Variants in SLC15A1 observed in about 807,000 individuals in gnomAD.
SLC15A1 encodes the protein Caco-2 oligopeptide transporter.
Under a neutral mutation model 92.9 loss-of-function variants are expected in SLC15A1, and 83 were observed. The ratio of observed to expected loss-of-function variants is 0.89; its 90% confidence interval spans 0.75 to 1.07. The LOEUF (loss-of-function observed/expected upper bound fraction) is 1.07. Among genes scored for constraint, SLC15A1 ranks in the 50% least tolerant of loss-of-function variants. The pLI, the probability that SLC15A1 is intolerant of heterozygous loss-of-function variation, is 0.00. For missense variants in SLC15A1, 857 were observed against 880.1 expected, an observed-to-expected ratio of 0.97 and a Z score of 0.33; for synonymous variants, 322 against 318.2, an observed-to-expected ratio of 1.01 and a Z score of -0.13.
intron 1 of SLC15A1, among the ~76,000 whole-genome samples, chr13:98,730,174 C>G (rs1291875758): frequency 6.9e-6 from 1 of 145,494 alleles, no homozygotes; most frequent in African/African-American, 2.6e-5. Flanking sequence ...CCAGCCTGGG[C>G]AACTGAGCGA....
chr13:98,690,376 C>T (rs2802390), intron 18 of SLC15A1, among the ~76,000 whole-genome samples: 58,035 of 152,026 alleles, frequency 0.38, 12,951 homozygotes, highest in Non-Finnish European at 0.52. Flanking sequence ...CAGATCCACA[C>T]GGGCCTTAGC....
intron 15 of SLC15A1, among the ~76,000 whole-genome samples, chr13:98,708,093 G>T (rs1429018514): frequency 1.3e-5 from 2 of 151,844 alleles, no homozygotes; most frequent in Non-Finnish European, 2.9e-5. Flanking sequence ...TTAAAAGGGT[G>T]GGGGAGGGAA....
At chr13:98,730,748 C>T (rs1034845138) in intron 1 of SLC15A1, among the ~76,000 whole-genome samples, 1 of 152,228 alleles carries the variant, frequency 6.6e-6, no homozygotes, top group Non-Finnish European at 1.5e-5. Context: ...TTGTGGGACA[C>T]GTTTCCTAAG....
intron 18 of SLC15A1, among the ~76,000 whole-genome samples, chr13:98,691,447 C>T (rs2087975779): frequency 6.6e-6 from 1 of 152,208 alleles, no homozygotes. Context: ...AATAATGCTG[C>T]AATGAACATG....
intron 1 of SLC15A1, among the ~76,000 whole-genome samples, chr13:98,728,212 A>G (rs1454433708): frequency 6.6e-6 from 1 of 152,070 alleles, no homozygotes; most frequent in Non-Finnish European, 1.5e-5. Flanking sequence ...TTTCTGTTCC[A>G]TTGGTCTATG....
chr13:98,710,058 G>T, intron 11 of SLC15A1, 147 bp from the exon 12 acceptor site: 1 of 752,850 alleles, frequency 1.3e-6, no homozygotes, highest in Non-Finnish European at 2.2e-6. Context: ...TAATCTCCCA[G>T]CTCTATTATA....
chr13:98,709,946 G>A, intron 11 of SLC15A1, 35 bp from the exon 12 acceptor site: 1 of 1,610,224 alleles, frequency 6.2e-7, no homozygotes, highest in South Asian at 1.1e-5. Context: ...ATTATTTGGG[G>A]ATGTGGGTTT....
intron 1 of SLC15A1, among the ~76,000 whole-genome samples, chr13:98,736,898 G>C (rs7335961): frequency 0.044 from 6,620 of 152,174 alleles, 481 homozygotes; most frequent in African/African-American, 0.15. Context: ...GTTGGTGGGA[G>C]TGTAAACTAG....
At chr13:98,723,610 A>G (rs1004490660) in intron 5 of SLC15A1, among the ~76,000 whole-genome samples, 2 of 152,210 alleles carry the variant, frequency 1.3e-5, no homozygotes, top group African/African-American at 4.8e-5. Flanking sequence ...GTGGGACTTT[A>G]TATCCCTCCA....
intron 1 of SLC15A1, among the ~76,000 whole-genome samples, chr13:98,743,324 A>C (rs1023917632): frequency 6.6e-6 from 1 of 152,168 alleles, no homozygotes; most frequent in Non-Finnish European, 1.5e-5. Context: ...ACACACAACT[A>C]TCTAAAATCA....
chr13:98,725,665 T>G (rs2088292110), intron 4 of SLC15A1, among the ~76,000 whole-genome samples: 1 of 152,204 alleles, frequency 6.6e-6, no homozygotes. Context: ...TGTTTCAGGC[T>G]CTAGGGACAG....
At chr13:98,698,866 C>T (rs2088044351) in intron 18 of SLC15A1, among the ~76,000 whole-genome samples, 1 of 152,042 alleles carries the variant, frequency 6.6e-6, no homozygotes. Flanking sequence ...AAGCTAAAAT[C>T]AGGAATTATC....
rs11618901 is a variant in SLC15A1 at position 98,732,085 on chromosome 13, C to A, written c.5-5226G>T. 5.8e-4 allele frequency among the ~76,000 whole-genome samples: 88 copies of A among 152,328 alleles called. No individual in the cohort carries two copies. The Middle Eastern group carries it at 0.02, about 35-fold the overall frequency. On this transcript the variant is annotated intron_variant, in intron 1 of 22. Transcript: ENST00000376503. Reference sequence around the variant, plus strand: ...TCAACAGGATTGCTATCTTAGAAAGCTCAAATGCAGAAGTGGTGTTTACAT... The same window carrying A: ...TCAACAGGATTGCTATCTTAGAAAGATCAAATGCAGAAGTGGTGTTTACAT...
At chr13:98,710,703 G>C (rs527414770) in intron 11 of SLC15A1, among the ~76,000 whole-genome samples, 1 of 150,940 alleles carries the variant, frequency 6.6e-6, no homozygotes, top group Admixed American at 6.7e-5. Context: ...AGCTGCTCAG[G>C]AGGCAGAGGC....
chr13:98,729,332 A>G (rs1245183950), intron 1 of SLC15A1, among the ~76,000 whole-genome samples: 2 of 152,212 alleles, frequency 1.3e-5, no homozygotes, highest in African/African-American at 4.8e-5. Flanking sequence ...AGCTGCCCAT[A>G]TGAAAAGCAG....
intron 18 of SLC15A1, among the ~76,000 whole-genome samples, chr13:98,691,054 T>C (rs2139562731): frequency 6.6e-6 from 1 of 152,064 alleles, no homozygotes; most frequent in Admixed American, 6.5e-5. Flanking sequence ...CCTTTTTTGT[T>C]TTTTTTTGAG....
chr13:98,736,688 G>T (rs1348083427), intron 1 of SLC15A1, among the ~76,000 whole-genome samples: 1 of 152,174 alleles, frequency 6.6e-6, no homozygotes, highest in Non-Finnish European at 1.5e-5. Flanking sequence ...CAAAGGATAT[G>T]AACAGACACT....
At chr13:98,738,911 A>G (rs2088417869) in intron 1 of SLC15A1, among the ~76,000 whole-genome samples, 1 of 152,252 alleles carries the variant, frequency 6.6e-6, no homozygotes, top group African/African-American at 2.4e-5. Flanking sequence ...AGCCACAGGC[A>G]CTCAACAACA....
chr13:98,736,065 G>A (rs1594007986), intron 1 of SLC15A1, among the ~76,000 whole-genome samples: 1 of 152,144 alleles, frequency 6.6e-6, no homozygotes, highest in Non-Finnish European at 1.5e-5. Context: ...CAAAGCTGGA[G>A]GCATCACGCT....
Sources: allele counts gnomAD v4.1 joint callset (sites outside exome capture counted in the v4.1 genomes callset), GRCh38; gene constraint gnomAD v4.1.1; transcripts MANE v1.5; gene names NCBI Gene and HGNC (gene_info 2026-07-23, HGNC 2026-07-21).